ST6GALNAC3: variants seen among roughly 807,000 people sequenced by gnomAD.
ST6GALNAC3 encodes alpha-N-acetylgalactosaminide alpha-2,6-sialyltransferase 3.
ST6GALNAC3 carries 25 observed loss-of-function variants against 32.7 expected under a neutral mutation model. The observed-to-expected ratio is 0.76, with a 90% CI of 0.56 to 1.07. The LOEUF (loss-of-function observed/expected upper bound fraction) is 1.07. Ranked by LOEUF, ST6GALNAC3 falls within the 50% of genes least tolerant of loss-of-function variation. ST6GALNAC3 has a pLI of 0.00. For synonymous variants in ST6GALNAC3, 129 were observed against 133.1 expected (o/e 0.97, Z 0.21); for missense variants, 355 against 382.4 (o/e 0.93, Z 0.60).
chr1:76,217,746 G>A (rs539183376), intron 1 of ST6GALNAC3, among the ~76,000 whole-genome samples: 9 of 152,082 alleles, frequency 5.9e-5, no homozygotes, highest in Non-Finnish European at 1.2e-4. Flanking sequence ...TAGCTCCCAC[G>A]TATGAGAGAG....
intron 3 of ST6GALNAC3, among the ~76,000 whole-genome samples, chr1:76,493,909 A>G (rs535357756): frequency 1.3e-5 from 2 of 152,276 alleles, no homozygotes; most frequent in Admixed American, 1.3e-4. Flanking sequence ...GAACAGTTTC[A>G]TGAAGATGTC....
intron 3 of ST6GALNAC3, among the ~76,000 whole-genome samples, chr1:76,438,221 G>A (rs914045545): frequency 2.0e-5 from 3 of 150,908 alleles, no homozygotes; most frequent in Non-Finnish European, 4.4e-5. Flanking sequence ...GCGCGATCTC[G>A]GCTCACTGCA....
chr1:76,083,895 G>A (rs1053834235), intron 1 of ST6GALNAC3, among the ~76,000 whole-genome samples: 3 of 152,122 alleles, frequency 2.0e-5, no homozygotes, highest in African/African-American at 7.2e-5. Flanking sequence ...CTAATTTAAA[G>A]TAAAAAAGTA....
At chr1:76,254,152 G>C (rs1187292466) in intron 1 of ST6GALNAC3, among the ~76,000 whole-genome samples, 1 of 152,108 alleles carries the variant, frequency 6.6e-6, no homozygotes, top group Non-Finnish European at 1.5e-5. Context: ...ACCATAAAAT[G>C]CTATACAGAT....
chr1:76,264,343 T>A (rs1213574179), intron 1 of ST6GALNAC3, among the ~76,000 whole-genome samples: 1 of 151,984 alleles, frequency 6.6e-6, no homozygotes, highest in Non-Finnish European at 1.5e-5. Context: ...CAAATTATCT[T>A]CAGTAACTAT....
intron 3 of ST6GALNAC3, among the ~76,000 whole-genome samples, chr1:76,453,808 G>A (rs1264388596): frequency 2.0e-5 from 3 of 152,056 alleles, no homozygotes; most frequent in African/African-American, 7.2e-5. Context: ...GTTCTAGGGT[G>A]TAGTTTAAAT....
chr1:76,374,048 TGACTACTTCTAGTTA>T (rs1651029820), intron 2 of ST6GALNAC3, among the ~76,000 whole-genome samples: 1 of 152,184 alleles, frequency 6.6e-6, no homozygotes, highest in Admixed American at 6.5e-5. Context: ...GCCTATACTT[TGACTACTTCTAGTTA>T]GACAGAAGGA....
intron 3 of ST6GALNAC3, among the ~76,000 whole-genome samples, chr1:76,621,264 A>G (rs1268925673): frequency 6.6e-6 from 1 of 152,076 alleles, no homozygotes. Context: ...GGATAGAAGT[A>G]CAGTCTTCCT....
intron 2 of ST6GALNAC3, among the ~76,000 whole-genome samples, chr1:76,408,987 G>A (rs1241953660): frequency 2.0e-5 from 3 of 152,066 alleles, no homozygotes; most frequent in Non-Finnish European, 4.4e-5. Flanking sequence ...ATGGATGTCA[G>A]GCTCTGCTGC....
At chr1:76,309,953 G>A (rs1313492396) in intron 1 of ST6GALNAC3, 2 of 489,234 alleles carry the variant, frequency 4.1e-6, no homozygotes, top group Admixed American at 2.1e-5. Flanking sequence ...TCTCAAAATG[G>A]TTGACTTATT....
At chr1:76,377,043 A>T (rs1484551102) in intron 2 of ST6GALNAC3, among the ~76,000 whole-genome samples, 2 of 152,196 alleles carry the variant, frequency 1.3e-5, no homozygotes, top group Admixed American at 1.3e-4. Context: ...AAATAAAACT[A>T]GCAAACCAAA....
At chr1:76,133,054 T>C (rs1049761753) in intron 1 of ST6GALNAC3, among the ~76,000 whole-genome samples, 5 of 152,116 alleles carry the variant, frequency 3.3e-5, no homozygotes, top group African/African-American at 1.2e-4. Flanking sequence ...TTCTCTGTGA[T>C]GTAGGTGAAA....
At chr1:76,265,421 G>A (rs954791886) in intron 1 of ST6GALNAC3, among the ~76,000 whole-genome samples, 2 of 152,116 alleles carry the variant, frequency 1.3e-5, no homozygotes, top group African/African-American at 4.8e-5. Flanking sequence ...TCACTTCAGA[G>A]CAAAAACATT....
intron 1 of ST6GALNAC3, among the ~76,000 whole-genome samples, chr1:76,215,760 T>A (rs527847252): frequency 9.2e-5 from 14 of 152,166 alleles, no homozygotes; most frequent in Non-Finnish European, 1.6e-4. Context: ...GTAACCGCCT[T>A]GAACATTGCC....
At chr1:76,077,684 T>G (rs1444833400) in intron 1 of ST6GALNAC3, among the ~76,000 whole-genome samples, 1 of 152,208 alleles carries the variant, frequency 6.6e-6, no homozygotes, top group Non-Finnish European at 1.5e-5. Flanking sequence ...CTCTCCATCT[T>G]TGATCATAAG....
rs185899574 is a variant in ST6GALNAC3 at position 76,340,784 on chromosome 1, G to C, written c.213+26785G>C. On this transcript the variant is annotated intron_variant, in intron 2 of 4. Transcript: ENST00000328299. ...TAGAGAAGGCTTCCCCTGGAAGCTG[G>C]GGTGGGGATTAGAGAAGACACCTCT... Among the ~76,000 whole-genome samples the C allele has an allele frequency of 6.1e-3, 922 of 152,130 alleles. 3 individuals carry two copies. Among genetic ancestry groups the C allele is most frequent in the African/African-American group, 0.021 (875 of 41,536 alleles).
intron 3 of ST6GALNAC3, among the ~76,000 whole-genome samples, chr1:76,576,678 G>A (rs974786936): frequency 3.3e-5 from 5 of 152,036 alleles, no homozygotes; most frequent in African/African-American, 1.2e-4. Context: ...ATTTTGGAAA[G>A]TACAGATGAC....
chr1:76,483,725 A>C (rs1251599497), intron 3 of ST6GALNAC3, among the ~76,000 whole-genome samples: 1 of 152,112 alleles, frequency 6.6e-6, no homozygotes, highest in Non-Finnish European at 1.5e-5. Context: ...CTTTAGTTTA[A>C]TTAGATCCTA....
chr1:76,610,489 T>G (rs1272456412), intron 3 of ST6GALNAC3, among the ~76,000 whole-genome samples: 1 of 151,978 alleles, frequency 6.6e-6, no homozygotes, highest in Non-Finnish European at 1.5e-5. Context: ...GAACCAAACT[T>G]CTCCATGAGT....
Sources: gnomAD v4.1 joint callset for allele counts (sites outside exome capture counted in the v4.1 genomes callset) on GRCh38, gnomAD v4.1.1 for gene constraint, MANE v1.5 for transcripts, NCBI Gene and HGNC (gene_info 2026-07-23, HGNC 2026-07-21) for gene names.